Variants in NALF1 observed in about 807,000 individuals in gnomAD.
NALF1 encodes NALCN channel auxiliary factor 1.
NALF1 carries 3 observed loss-of-function variants against 48.4 expected under a neutral mutation model. The ratio of observed to expected loss-of-function variants is 0.06; its 90% CI spans 0.03 to 0.16. NALF1 has a LOEUF of 0.16. Ranked by LOEUF, NALF1 falls within the 10% of genes least tolerant of loss-of-function variation. The pLI is 1.00. For synonymous variants in NALF1, 262 were observed against 245.7 expected (o/e 1.07, Z -0.62); for missense variants, 526 against 571.5 (o/e 0.92, Z 0.81).
chr13:107,259,826 C>G (rs1880895839), intron 1 of NALF1, among the ~76,000 whole-genome samples: 1 of 152,156 alleles, frequency 6.6e-6, no homozygotes, highest in Non-Finnish European at 1.5e-5. Flanking sequence ...GCGAACAATA[C>G]TCCTCATCTT....
At chr13:107,339,393 G>A (rs1296182656) in intron 1 of NALF1, among the ~76,000 whole-genome samples, 3 of 151,956 alleles carry the variant, frequency 2.0e-5, no homozygotes, top group Non-Finnish European at 2.9e-5. Context: ...TTTAATGCAC[G>A]TGTGAGTCAT....
chr13:107,624,588 G>C (rs1879614403), intron 1 of NALF1, among the ~76,000 whole-genome samples: 1 of 152,150 alleles, frequency 6.6e-6, no homozygotes, highest in South Asian at 2.1e-4. Context: ...TTTAATAGCA[G>C]CAGAGCACTT....
At chr13:107,496,366 C>T (rs1875334367) in intron 1 of NALF1, among the ~76,000 whole-genome samples, 2 of 152,142 alleles carry the variant, frequency 1.3e-5, no homozygotes, top group South Asian at 4.1e-4. Context: ...GAGCAGACAA[C>T]TGATTCCTAC....
intron 1 of NALF1, among the ~76,000 whole-genome samples, chr13:107,371,409 G>T (rs1287508024): frequency 6.6e-6 from 1 of 151,948 alleles, no homozygotes; most frequent in Non-Finnish European, 1.5e-5. Context: ...CTGCAACACT[G>T]CACTTCAGCC....
chr13:107,632,547 TTC>T (rs1879862017), intron 1 of NALF1, among the ~76,000 whole-genome samples: 3 of 152,274 alleles, frequency 2.0e-5, no homozygotes, highest in South Asian at 4.2e-4. Flanking sequence ...CTCTCTTACT[TTC>T]TCTTTCATTC....
chr13:107,783,185 G>C (rs1320936122), intron 1 of NALF1, among the ~76,000 whole-genome samples: 3 of 130,614 alleles, frequency 2.3e-5, no homozygotes, highest in Non-Finnish European at 3.3e-5. Context: ...CGTCCGGGAG[G>C]GAGGTGGGGG....
rs1271815795 is a variant in NALF1, at chr13:107,163,863, C to CAGAAAAAGGTAGAAAAAGAAAACAAG, written c.*6608_*6633dup. ...ATGATATGAAAATAAATGCCATATG[C>CAGAAAAAGGTAGAAAAAGAAAACAAG]AGAAAAAGGTAGAAAAAGAAAACAA... is the stretch of plus-strand genomic sequence containing the variant. On this transcript the variant is annotated 3_prime_UTR_variant, in exon 3 of 3. Coordinates refer to ENST00000375915, the MANE Select transcript of NALF1 (RefSeq NM_001080396.3). The CAGAAAAAGGTAGAAAAAGAAAACAAG allele has an allele frequency of 1.3e-5, 2 of 151,690 alleles. No individual in the cohort carries two copies. Among genetic ancestry groups the CAGAAAAAGGTAGAAAAAGAAAACAAG allele is most frequent in the African/African-American group, 2.4e-5 (1 of 41,254 alleles). 9.4% of individuals were successfully genotyped at this position (151,690 alleles called of 1,614,324 possible).
At chr13:107,373,704 T>A (rs1272382496) in intron 1 of NALF1, among the ~76,000 whole-genome samples, 1 of 152,206 alleles carries the variant, frequency 6.6e-6, no homozygotes, top group Non-Finnish European at 1.5e-5. Context: ...AGGGCAACAC[T>A]ATCATCTCTT....
chr13:107,173,007 ATT>A (rs1480130146), intron 2 of NALF1, among the ~76,000 whole-genome samples: 1 of 152,176 alleles, frequency 6.6e-6, no homozygotes, highest in Non-Finnish European at 1.5e-5. Flanking sequence ...TTTTACTCAA[ATT>A]TATGAATAAC....
rs939245037 is a variant in NALF1, at chr13:107,867,113, G to C, written c.-517C>G. On this transcript the variant is annotated 5_prime_UTR_variant, in exon 1 of 3. Transcript: ENST00000375915. This position sits in a 1 kb window ranked among gnomAD's most constrained non-coding sequence, Gnocchi z 4.4. ...CCTCCGCTGCCCACTGACGGCGCCC[G>C]GAGCGCCTCCCCTCCTCCTCCTCCT... Among the ~76,000 whole-genome samples, 1 of 150,880 alleles carries C rather than the reference G, an allele frequency of 6.6e-6. No individual in the cohort carries two copies. The highest frequency in any genetic ancestry group is 1.5e-5 in the Non-Finnish European group (1 of 67,558).
At chr13:107,175,035 C>T (rs1305008667) in intron 2 of NALF1, among the ~76,000 whole-genome samples, 12 of 102,286 alleles carry the variant, frequency 1.2e-4, no homozygotes, top group Admixed American at 4.7e-4. Flanking sequence ...AGGCGCCCGC[C>T]ACGACGCCCG....
chr13:107,350,452 AC>A (rs1882853359), intron 1 of NALF1, among the ~76,000 whole-genome samples: 1 of 152,196 alleles, frequency 6.6e-6, no homozygotes, highest in Non-Finnish European at 1.5e-5. Context: ...ACAGCAATAA[AC>A]CCGTTGCTAG....
chr13:107,311,333 C>T lies in NALF1; in HGVS notation c.916-100578G>A, dbSNP rs554603585. On this transcript the variant is annotated intron_variant, in intron 1 of 2. Transcript: ENST00000375915. Reference sequence around the variant, plus strand: ...CTACCATTAAAACTGTATGTCAATTCTAGAGCTATCTAAAAATTAAAAGGA... The same window carrying T: ...CTACCATTAAAACTGTATGTCAATTTTAGAGCTATCTAAAAATTAAAAGGA... Among the ~76,000 whole-genome samples the T allele has an allele frequency of 8.5e-5, 13 of 152,170 alleles. 1 individual carries two copies. In the South Asian group the frequency reaches 1.5e-3, roughly 17 times the overall value.
Position 107,693,321 on chromosome 13 carries a change from C to T in NALF1, c.915+172361G>A, listed in dbSNP as rs568296084. Among the ~76,000 whole-genome samples the T allele has an allele frequency of 2.7e-4, 7 of 26,226 alleles. 1 individual carries two copies. The highest frequency in any genetic ancestry group is 5.2e-4 in the African/African-American group (5 of 9,630). 17.2% of individuals were successfully genotyped at this position (26,226 alleles called of 152,430 possible). On this transcript the variant is annotated intron_variant, in intron 1 of 2. Transcript: ENST00000375915. ...GGGAACACCACACATCAGGGCCTGTCGTAGGGTAGGGGGGGCGGGAGGGAT... is the reference window on the plus strand; with the variant it reads ...GGGAACACCACACATCAGGGCCTGTTGTAGGGTAGGGGGGGCGGGAGGGAT...
At chr13:107,818,608 C>A (rs1357371648) in intron 1 of NALF1, among the ~76,000 whole-genome samples, 1 of 112,642 alleles carries the variant, frequency 8.9e-6, no homozygotes, top group Non-Finnish European at 1.8e-5. Flanking sequence ...CGCGGTGGCT[C>A]ACGCCTGTAA....
intron 1 of NALF1, among the ~76,000 whole-genome samples, chr13:107,429,714 C>A (rs1432380106): frequency 2.0e-5 from 3 of 151,750 alleles, no homozygotes; most frequent in African/African-American, 7.3e-5. Context: ...TGATAAAGAC[C>A]GAATCAAAAT....
intron 1 of NALF1, among the ~76,000 whole-genome samples, chr13:107,631,315 G>T (rs1879828198): frequency 6.6e-6 from 1 of 152,134 alleles, no homozygotes; most frequent in Non-Finnish European, 1.5e-5. Context: ...GAGACCTTAT[G>T]CACATGCCTT....
intron 1 of NALF1, among the ~76,000 whole-genome samples, chr13:107,644,657 A>ATATATATG (rs1555314861): frequency 2.2e-4 from 30 of 137,750 alleles, no homozygotes; most frequent in Admixed American, 1.9e-3. Flanking sequence ...ATATATATAT[A>ATATATATG]TATATATATG....
At chr13:107,454,198 C>T (rs565369749) in intron 1 of NALF1, among the ~76,000 whole-genome samples, 163 of 152,270 alleles carry the variant, frequency 1.1e-3, no homozygotes, top group African/African-American at 3.6e-3. Flanking sequence ...TCCACATTTT[C>T]GGGTATCTTT....
Sources: gnomAD v4.1 joint callset for allele counts (sites outside exome capture counted in the v4.1 genomes callset) on GRCh38, gnomAD v4.1.1 for gene constraint, Gnocchi (gnomAD v3.1) non-coding constraint, MANE v1.5 for transcripts, NCBI Gene and HGNC (gene_info 2026-07-23, HGNC 2026-07-21) for gene names.